The following C10orf90 variants were observed in gnomAD, a reference collection of about 807,000 sequenced individuals.
C10orf90 encodes (E2-independent) E3 ubiquitin-conjugating enzyme FATS.
Under a neutral mutation model 62.5 loss-of-function variants are expected in C10orf90, and 56 were observed. That is an observed-to-expected ratio of 0.90 (90% CI 0.72 to 1.12). The LOEUF (loss-of-function observed/expected upper bound fraction) is 1.12, where lower values mean the gene tolerates loss of function less well. C10orf90 is among the 50% of genes most tolerant of loss of function. The pLI, the probability that C10orf90 is intolerant of heterozygous loss-of-function variation, is 0.00. For missense variants in C10orf90, 970 were observed against 880.4 expected, an observed-to-expected ratio of 1.10 and a Z score of -1.29; for synonymous variants, 386 against 340.4, an observed-to-expected ratio of 1.13 and a Z score of -1.47.
intron 8 of C10orf90, among the ~76,000 whole-genome samples, chr10:126,429,484 C>A (rs546632912): frequency 1.1e-4 from 16 of 152,298 alleles, no homozygotes; most frequent in African/African-American, 3.6e-4. Flanking sequence ...CCCAGAGCAA[C>A]AATACTAATA....
intron 3 of C10orf90, among the ~76,000 whole-genome samples, chr10:126,507,500 C>CAAAAA (rs775464275): frequency 8.8e-6 from 1 of 114,162 alleles, no homozygotes; most frequent in African/African-American, 3.2e-5. Context: ...TACTTTTTTC[C>CAAAAA]AAAAAAAAAA....
intron 2 of C10orf90, among the ~76,000 whole-genome samples, chr10:126,617,633 C>T (rs774945343): frequency 6.6e-6 from 1 of 152,230 alleles, no homozygotes; most frequent in Non-Finnish European, 1.5e-5. Context: ...CATTCTCCAC[C>T]ACTGTGTCTC....
intron 7 of C10orf90, among the ~76,000 whole-genome samples, chr10:126,439,688 A>T (rs1858174780): frequency 6.6e-6 from 1 of 152,192 alleles, no homozygotes; most frequent in Non-Finnish European, 1.5e-5. Context: ...AAGGAAGTAA[A>T]AGGCATTAAC....
chr10:126,548,062 G>GA (rs919842519), intron 2 of C10orf90, among the ~76,000 whole-genome samples: 1 of 145,504 alleles, frequency 6.9e-6, no homozygotes, highest in Admixed American at 6.8e-5. Flanking sequence ...TAAACAAACA[G>GA]AAAAAAAAAT....
At chr10:126,505,646 G>A (rs1356629733) in intron 3 of C10orf90, among the ~76,000 whole-genome samples, 1 of 152,172 alleles carries the variant, frequency 6.6e-6, no homozygotes, top group Non-Finnish European at 1.5e-5. Context: ...AAGGTCCAGA[G>A]AGCAAAACAA....
intron 7 of C10orf90, among the ~76,000 whole-genome samples, chr10:126,438,961 C>T (rs780273832): frequency 1.3e-5 from 2 of 152,124 alleles, no homozygotes; most frequent in African/African-American, 4.8e-5. Flanking sequence ...TCCATATGTA[C>T]CCATGCCCCA....
At chr10:126,522,604 C>T (rs755392134) in intron 2 of C10orf90, 1 of 152,234 alleles carries the variant, frequency 6.6e-6, no homozygotes, top group Non-Finnish European at 1.5e-5. Flanking sequence ...ATGAGCCACA[C>T]ACCTGCTAAA....
chr10:126,490,379 T>C (rs1037053681), intron 4 of C10orf90, among the ~76,000 whole-genome samples: 1 of 151,228 alleles, frequency 6.6e-6, no homozygotes, highest in Non-Finnish European at 1.5e-5. Context: ...GGAGTTAGTG[T>C]TTAATGGGGA....
At chr10:126,669,639 T>C (rs1429626003) in intron 1 of C10orf90, among the ~76,000 whole-genome samples, 3 of 152,146 alleles carry the variant, frequency 2.0e-5, no homozygotes, top group African/African-American at 7.2e-5. Context: ...TACAAATATG[T>C]TTCAGAGTAA....
At chr10:126,459,305 G>A in intron 6 of C10orf90, 88 bp from the exon 7 acceptor site, 4 of 1,496,140 alleles carry the variant, frequency 2.7e-6, no homozygotes, top group South Asian at 1.1e-5. Flanking sequence ...GAAGCCGATG[G>A]CAAGCACAAC....
intron 2 of C10orf90, among the ~76,000 whole-genome samples, chr10:126,535,414 G>A (rs761830535): frequency 2.0e-5 from 3 of 151,872 alleles, no homozygotes; most frequent in African/African-American, 7.3e-5. Context: ...CTACGTGGGA[G>A]GCTGAGGTAG....
At chr10:126,655,952 T>C (rs1846388469) in intron 1 of C10orf90, among the ~76,000 whole-genome samples, 1 of 152,202 alleles carries the variant, frequency 6.6e-6, no homozygotes, top group East Asian at 1.9e-4. Flanking sequence ...TGGTATATTT[T>C]ACCACTGGTG....
intron 7 of C10orf90, among the ~76,000 whole-genome samples, chr10:126,443,745 C>T (rs1018100886): frequency 6.6e-6 from 1 of 152,000 alleles, no homozygotes; most frequent in African/African-American, 2.4e-5. Flanking sequence ...GACTGATATC[C>T]CTGATGAATA....
At chr10:126,645,818 C>T (rs1211417379) in intron 2 of C10orf90, among the ~76,000 whole-genome samples, 1 of 152,116 alleles carries the variant, frequency 6.6e-6, no homozygotes, top group Non-Finnish European at 1.5e-5. Context: ...TATCCACATC[C>T]ACATACATAC....
intron 2 of C10orf90, among the ~76,000 whole-genome samples, chr10:126,593,282 A>T (rs567994275): frequency 6.6e-5 from 10 of 152,362 alleles, no homozygotes; most frequent in Non-Finnish European, 1.5e-4. Context: ...ACATGCATTC[A>T]ATCCAAATAC....
intron 1 of C10orf90, among the ~76,000 whole-genome samples, chr10:126,669,351 C>T (rs779525278): frequency 6.6e-6 from 1 of 152,192 alleles, no homozygotes; most frequent in Non-Finnish European, 1.5e-5. Context: ...TGCTGGCTTC[C>T]TTCTGCCCAG....
At chr10:126,489,207 T>C (rs767644397) in intron 4 of C10orf90, among the ~76,000 whole-genome samples, 5 of 152,112 alleles carry the variant, frequency 3.3e-5, no homozygotes, top group African/African-American at 7.2e-5. Context: ...ATCCTGGAAA[T>C]AGTTAATGTA....
chr10:126,617,880 G>A (rs1845573070), intron 2 of C10orf90, among the ~76,000 whole-genome samples: 1 of 152,172 alleles, frequency 6.6e-6, no homozygotes, highest in South Asian at 2.1e-4. Flanking sequence ...AAAGAGAGAG[G>A]GAGAGATCAT....
At chr10:126,669,578 G>A (rs566936557) in intron 1 of C10orf90, among the ~76,000 whole-genome samples, 11 of 152,298 alleles carry the variant, frequency 7.2e-5, no homozygotes, top group South Asian at 2.1e-4. Flanking sequence ...GATTTCATGC[G>A]TGTTTACTTT....
Sources: gnomAD v4.1 joint callset for allele counts (sites outside exome capture counted in the v4.1 genomes callset) on GRCh38, gnomAD v4.1.1 for gene constraint, MANE v1.5 for transcripts, NCBI Gene and HGNC (gene_info 2026-07-23, HGNC 2026-07-21) for gene names.